TMEM132D: variants seen among roughly 807,000 people sequenced by gnomAD.
TMEM132D encodes the protein transmembrane protein 132D.
In TMEM132D, 21 loss-of-function variants were observed where a neutral mutation model predicts 62.3. That is an observed-to-expected ratio of 0.34 (90% CI 0.24 to 0.49). TMEM132D has a LOEUF of 0.49. TMEM132D is among the 20% of genes least tolerant of loss of function. TMEM132D has a pLI of 0.99. For missense variants in TMEM132D, 1,346 were observed against 1,402.8 expected (o/e 0.96, Z 0.65); for synonymous variants, 621 against 575.6 (o/e 1.08, Z -1.13).
chr12:129,313,282 C>CAAT (rs1179029284), intron 4 of TMEM132D, among the ~76,000 whole-genome samples: 3 of 152,172 alleles, frequency 2.0e-5, no homozygotes, highest in African/African-American at 7.2e-5. Flanking sequence ...AAGCAGTATA[C>CAAT]ACTGCACCAT....
chr12:129,786,535 C>A (rs1871251896), intron 1 of TMEM132D, among the ~76,000 whole-genome samples: 1 of 152,168 alleles, frequency 6.6e-6, no homozygotes, highest in African/African-American at 2.4e-5. Context: ...TGTTTCTTCC[C>A]ACACTCCAGG....
At chr12:129,141,409 C>T (rs1252784966) in intron 5 of TMEM132D, among the ~76,000 whole-genome samples, 1 of 152,046 alleles carries the variant, frequency 6.6e-6, no homozygotes, top group Non-Finnish European at 1.5e-5. Flanking sequence ...ACAGCAGATA[C>T]ATAAAGTGAA....
intron 5 of TMEM132D, among the ~76,000 whole-genome samples, chr12:129,118,853 A>G (rs1036979184): frequency 6.6e-6 from 1 of 152,234 alleles, no homozygotes; most frequent in Admixed American, 6.5e-5. Context: ...CCTGGAGGGA[A>G]GAACTTCAAG....
intron 3 of TMEM132D, among the ~76,000 whole-genome samples, chr12:129,512,154 T>C (rs1875514385): frequency 6.6e-6 from 1 of 152,184 alleles, no homozygotes; most frequent in African/African-American, 2.4e-5. Context: ...AAGACCATGA[T>C]CCAACTGGTA....
At chr12:129,587,391 G>C (rs557567293) in intron 2 of TMEM132D, among the ~76,000 whole-genome samples, 9 of 152,304 alleles carry the variant, frequency 5.9e-5, no homozygotes, top group African/African-American at 2.2e-4. Flanking sequence ...GCCTATGTGA[G>C]GGTGGAAGGT....
At chr12:129,576,540 A>C (rs748755859) in intron 2 of TMEM132D, among the ~76,000 whole-genome samples, 1 of 151,848 alleles carries the variant, frequency 6.6e-6, no homozygotes, top group Non-Finnish European at 1.5e-5. Context: ...ATATCTGTTT[A>C]CATAAATATA....
chr12:129,886,397 T>C (rs1874748934), intron 1 of TMEM132D, among the ~76,000 whole-genome samples: 1 of 152,156 alleles, frequency 6.6e-6, no homozygotes, highest in South Asian at 2.1e-4. Context: ...ACAGGTGATT[T>C]TGAATTAACC....
intron 1 of TMEM132D, among the ~76,000 whole-genome samples, chr12:129,818,789 C>T (rs2137323039): frequency 6.6e-6 from 1 of 152,082 alleles, no homozygotes; most frequent in Non-Finnish European, 1.5e-5. Flanking sequence ...AATCCCAGCA[C>T]TTTGGAAGGC....
At chr12:129,383,807 C>T (rs970959112) in intron 3 of TMEM132D, among the ~76,000 whole-genome samples, 2 of 152,142 alleles carry the variant, frequency 1.3e-5, no homozygotes, top group Non-Finnish European at 2.9e-5. Context: ...CCTCACTGGG[C>T]GTCAGATTCA....
chr12:129,344,958 C>T (rs528029252), intron 3 of TMEM132D, among the ~76,000 whole-genome samples: 8 of 152,044 alleles, frequency 5.3e-5, no homozygotes, highest in South Asian at 2.1e-4. Flanking sequence ...GCCACTATGC[C>T]GACTAGGTGT....
At chr12:129,126,954 T>C (rs991057209) in intron 5 of TMEM132D, among the ~76,000 whole-genome samples, 1 of 152,204 alleles carries the variant, frequency 6.6e-6, no homozygotes, top group Admixed American at 6.5e-5. Flanking sequence ...GTTGGGCATG[T>C]GATGCCCTGC....
chr12:129,768,310 G>A lies in TMEM132D; in HGVS notation c.80-67612C>T, dbSNP rs143119091. ...GAAATGCCATATTGTTTCCATAGCAGCTGTAAATTTTACATTCCCATCAAC... is the reference window on the plus strand; with the variant it reads ...GAAATGCCATATTGTTTCCATAGCAACTGTAAATTTTACATTCCCATCAAC... On this transcript the variant is annotated intron_variant, in intron 1 of 8. Coordinates refer to ENST00000422113, the MANE Select transcript of TMEM132D (RefSeq NM_133448.3). Among the ~76,000 whole-genome samples the A allele has an allele frequency of 2.6e-5, 4 of 152,152 alleles. No homozygotes were observed. The East Asian group carries it at 7.8e-4, about 30-fold the overall frequency.
intron 3 of TMEM132D, among the ~76,000 whole-genome samples, chr12:129,357,073 C>T (rs1328414876): frequency 2.0e-5 from 3 of 150,866 alleles, no homozygotes; most frequent in South Asian, 2.1e-4. Flanking sequence ...AGTGAAACCC[C>T]GTCTCTACTA....
chr12:129,174,395 A>G (rs532803682), intron 5 of TMEM132D, among the ~76,000 whole-genome samples: 17 of 152,334 alleles, frequency 1.1e-4, no homozygotes, highest in South Asian at 4.1e-4. Context: ...ATGTCCCTGC[A>G]AAGGACATGA....
At chr12:129,343,470 A>G (rs1210534136) in intron 3 of TMEM132D, among the ~76,000 whole-genome samples, 1 of 152,170 alleles carries the variant, frequency 6.6e-6, no homozygotes, top group East Asian at 1.9e-4. Flanking sequence ...AGATATACCT[A>G]ATGTAAATGA....
intron 2 of TMEM132D, among the ~76,000 whole-genome samples, chr12:129,602,004 T>A (rs1033298416): frequency 2.6e-5 from 4 of 152,108 alleles, no homozygotes; most frequent in Admixed American, 2.6e-4. Context: ...CAAAATAAAT[T>A]ATGCTGATAC....
At chr12:129,701,435 C>A (rs551481276) in intron 1 of TMEM132D, among the ~76,000 whole-genome samples, 10 of 152,122 alleles carry the variant, frequency 6.6e-5, no homozygotes, top group Non-Finnish European at 1.5e-4. Flanking sequence ...CAGGGCCGGG[C>A]GTACAAAGCA....
At chr12:129,797,322 G>A (rs757216835) in intron 1 of TMEM132D, among the ~76,000 whole-genome samples, 11 of 152,112 alleles carry the variant, frequency 7.2e-5, no homozygotes, top group South Asian at 4.1e-4. Context: ...AATTTCCCTC[G>A]TTCCACTGTA....
chr12:129,517,645 C>A (rs1249745673), intron 3 of TMEM132D, among the ~76,000 whole-genome samples: 2 of 152,110 alleles, frequency 1.3e-5, no homozygotes, highest in African/African-American at 4.8e-5. Context: ...TAGCACTGGA[C>A]AATAAAAACT....
Sources: gnomAD v4.1 joint callset for allele counts (sites outside exome capture counted in the v4.1 genomes callset) on GRCh38, gnomAD v4.1.1 for gene constraint, MANE v1.5 for transcripts, NCBI Gene and HGNC (gene_info 2026-07-23, HGNC 2026-07-21) for gene names.